The following DRC9 variants were observed in gnomAD, a reference collection of about 807,000 sequenced individuals.
DRC9 encodes dynein regulatory complex subunit 9, also known as dynein regulatory complex protein 9.
the DRC9 span, among the ~76,000 whole-genome samples, chr3:197,899,915 C>G: frequency 1.3e-5 from 2 of 152,336 alleles, no homozygotes; most frequent in East Asian, 3.9e-4. Flanking sequence ...ACACTCTCCA[C>G]CCCCTGGCAG....
chr3:197,912,651 C>T, the DRC9 span: 3 of 1,583,312 alleles, frequency 1.9e-6, no homozygotes, highest in African/African-American at 4.0e-5. Context: ...AAAGTCAAAG[C>T]ATAGAAAAGC....
chr3:197,891,640 T>C, the DRC9 span: 2 of 578,386 alleles, frequency 3.5e-6, no homozygotes, highest in Non-Finnish European at 6.0e-6. Flanking sequence ...AATTTCAAAA[T>C]AAAACATGCT....
the DRC9 span, among the ~76,000 whole-genome samples, chr3:197,932,964 A>ATAT: frequency 7.1e-6 from 1 of 140,074 alleles, no homozygotes; most frequent in African/African-American, 2.6e-5. Flanking sequence ...ATATTATTAT[A>ATAT]TATTATATTA....
chr3:197,931,589 C>G, the DRC9 span, among the ~76,000 whole-genome samples: 1 of 152,164 alleles, frequency 6.6e-6, no homozygotes, highest in African/African-American at 2.4e-5. Context: ...TGTTATTGTT[C>G]AGTGATTTTC....
the DRC9 span, chr3:197,912,357 T>G: frequency 4.3e-6 from 1 of 231,974 alleles, no homozygotes; most frequent in African/African-American, 2.3e-5. Flanking sequence ...TTGTAGGTCA[T>G]AATTTGACTT....
the DRC9 span, among the ~76,000 whole-genome samples, chr3:197,912,165 T>C: frequency 6.6e-6 from 1 of 151,830 alleles, no homozygotes; most frequent in African/African-American, 2.4e-5. Context: ...CTCAGCCTCC[T>C]GAATAGCTGG....
the DRC9 span, chr3:197,912,675 C>T: frequency 1.1e-5 from 17 of 1,612,640 alleles, no homozygotes; most frequent in Non-Finnish European, 1.4e-5. Context: ...GGGGACCCAC[C>T]TGCTGCTCCT....
the DRC9 span, among the ~76,000 whole-genome samples, chr3:197,941,656 G>A: frequency 0.42 from 60,978 of 146,100 alleles, 13,557 homozygotes; most frequent in South Asian, 0.55. Context: ...AGTCTCATGG[G>A]CTCAAATGAT....
At chr3:197,907,020 G>C in the DRC9 span, among the ~76,000 whole-genome samples, 101 of 152,248 alleles carry the variant, frequency 6.6e-4, no homozygotes, top group African/African-American at 2.2e-3. Context: ...CGCCCTTCGT[G>C]GTAAATGTGC....
At chr3:197,923,007 A>G in the DRC9 span, among the ~76,000 whole-genome samples, 1 of 152,192 alleles carries the variant, frequency 6.6e-6, no homozygotes, top group Non-Finnish European at 1.5e-5. Context: ...TAAGAGGGAT[A>G]ATGACATCAA....
chr3:197,896,204 G>A, the DRC9 span, among the ~76,000 whole-genome samples: 3 of 151,610 alleles, frequency 2.0e-5, no homozygotes, highest in Non-Finnish European at 2.9e-5. Flanking sequence ...CTAGCTGGGC[G>A]TGGCAGCACA....
At chr3:197,953,537 C>T in the DRC9 span, 3 of 457,294 alleles carry the variant, frequency 6.6e-6, no homozygotes, top group Non-Finnish European at 1.3e-5. Context: ...CCAGGACACA[C>T]ACTCCTTGGC....
chr3:197,921,838 AT>A, the DRC9 span, among the ~76,000 whole-genome samples: 1 of 140,514 alleles, frequency 7.1e-6, no homozygotes. Flanking sequence ...ACCTGATTTC[AT>A]CTTGATTGAC....
chr3:197,891,459 T>C, the DRC9 span: 11 of 1,583,806 alleles, frequency 6.9e-6, no homozygotes, highest in East Asian at 2.5e-4. Flanking sequence ...TATAACGCTC[T>C]TTAATTCCAA....
chr3:197,889,582 ACTT>A, the DRC9 span: 61 of 1,614,176 alleles, frequency 3.8e-5, no homozygotes, highest in East Asian at 6.7e-5. Context: ...GAACTTGGTC[ACTT>A]CTTCTTGCCT....
chr3:197,943,799 T>G, the DRC9 span: 5 of 1,614,188 alleles, frequency 3.1e-6, no homozygotes, highest in Non-Finnish European at 4.2e-6. Context: ...TCTGTCTCCC[T>G]TCGTACTGAA....
At chr3:197,889,730 GGAGT>G in the DRC9 span, 6 of 1,614,040 alleles carry the variant, frequency 3.7e-6, no homozygotes, top group Non-Finnish European at 5.1e-6. Flanking sequence ...AGAGAAAAGG[GGAGT>G]GAGTACGACG....
At chr3:197,916,292 T>C in the DRC9 span, 1 of 158,086 alleles carries the variant, frequency 6.3e-6, no homozygotes, top group Non-Finnish European at 1.4e-5. Context: ...TTGTTGTTGT[T>C]GTTGTTTTTG....
At chr3:197,924,882 T>C in the DRC9 span, among the ~76,000 whole-genome samples, 1 of 152,218 alleles carries the variant, frequency 6.6e-6, no homozygotes, top group Admixed American at 6.6e-5. Context: ...AGCTGGTTTC[T>C]AACTGCTTAG....
Sources: gnomAD v4.1 joint callset for allele counts (sites outside exome capture counted in the v4.1 genomes callset) on GRCh38, gnomAD v4.1.1 for gene constraint, MANE v1.5 for transcripts, NCBI Gene and HGNC (gene_info 2026-07-23, HGNC 2026-07-21) for gene names.